Variants in ADK observed in about 807,000 individuals in gnomAD.
The protein encoded by ADK is adenosine kinase.
Under a neutral mutation model 44.7 loss-of-function variants are expected in ADK, and 24 were observed. That is an observed-to-expected ratio of 0.54 (90% CI 0.39 to 0.76). The LOEUF (loss-of-function observed/expected upper bound fraction) is 0.76, where lower values mean the gene tolerates loss of function less well. ADK is among the 30% of genes least tolerant of loss of function. ADK has a pLI of 0.00. For synonymous variants in ADK, 128 were observed against 142.6 expected, an observed-to-expected ratio of 0.90 and a Z score of 0.73; for missense variants, 321 against 425.1, an observed-to-expected ratio of 0.76 and a Z score of 2.15.
At chr10:74,430,871 C>T (rs1327085029) in intron 6 of ADK, among the ~76,000 whole-genome samples, 2 of 151,590 alleles carry the variant, frequency 1.3e-5, no homozygotes, top group East Asian at 2.0e-4. Context: ...CAGAGCAAGG[C>T]GGCTGGAAGG....
chr10:74,434,063 G>C (rs1340441246), intron 6 of ADK, among the ~76,000 whole-genome samples: 1 of 152,140 alleles, frequency 6.6e-6, no homozygotes, highest in African/African-American at 2.4e-5. Context: ...TACATGACTT[G>C]AGAGAATCAT....
chr10:74,418,834 C>T (rs1020864833), intron 6 of ADK, among the ~76,000 whole-genome samples: 5 of 152,154 alleles, frequency 3.3e-5, no homozygotes, highest in African/African-American at 9.7e-5. Context: ...GAACAATTTT[C>T]TTCAGCCCTG....
chr10:74,567,988 C>T (rs377456135), intron 7 of ADK, among the ~76,000 whole-genome samples: 77 of 152,202 alleles, frequency 5.1e-4, no homozygotes, highest in South Asian at 1.2e-3. Context: ...CCTGAGCCAC[C>T]GCGCCAGGCC....
intron 6 of ADK, among the ~76,000 whole-genome samples, chr10:74,414,592 C>G (rs373616155): frequency 6.6e-6 from 1 of 151,888 alleles, no homozygotes; most frequent in South Asian, 2.1e-4. Flanking sequence ...AAAAATTAGC[C>G]GGGCGTGGTG....
chr10:74,527,760 A>AC (rs1227175422), intron 7 of ADK: 1 of 1,564,190 alleles, frequency 6.4e-7, no homozygotes, highest in Non-Finnish European at 8.8e-7. Flanking sequence ...CCACTCCCAG[A>AC]CTTACCACAT....
At chr10:74,411,361 A>G (rs1297820629) in intron 6 of ADK, among the ~76,000 whole-genome samples, 1 of 152,206 alleles carries the variant, frequency 6.6e-6, no homozygotes, top group Non-Finnish European at 1.5e-5. Context: ...TAAAGCCCAA[A>G]CTGTGTTAAC....
intron 6 of ADK, among the ~76,000 whole-genome samples, chr10:74,429,436 A>T (rs998163988): frequency 4.6e-5 from 7 of 152,212 alleles, no homozygotes; most frequent in African/African-American, 1.7e-4. Context: ...AGCAATTTTT[A>T]TATGCATGAA....
At chr10:74,487,047 T>C (rs1395564091) in intron 6 of ADK, among the ~76,000 whole-genome samples, 2 of 152,104 alleles carry the variant, frequency 1.3e-5, no homozygotes, top group Admixed American at 6.5e-5. Flanking sequence ...TTTTTTGTAG[T>C]TTTGGAAGAG....
chr10:74,370,297 C>G (rs556404063), intron 4 of ADK, among the ~76,000 whole-genome samples: 1 of 152,064 alleles, frequency 6.6e-6, no homozygotes, highest in African/African-American at 2.4e-5. Context: ...ATTAGAAAAA[C>G]AAACTAAAGG....
intron 4 of ADK, among the ~76,000 whole-genome samples, chr10:74,364,899 C>T (rs951469668): frequency 2.0e-5 from 3 of 152,048 alleles, no homozygotes; most frequent in Non-Finnish European, 2.9e-5. Flanking sequence ...CACTTTCTTT[C>T]TCCCTTTCTC....
chr10:74,184,840 A>G (rs546268103), intron 1 of ADK, among the ~76,000 whole-genome samples: 1 of 152,288 alleles, frequency 6.6e-6, no homozygotes, highest in African/African-American at 2.4e-5. Context: ...TTGAACTAGG[A>G]CCATAAGATA....
rs577304248 is a variant in ADK at position 74,228,010 on chromosome 10, TA to T, written c.194+3426del. On this transcript the variant is annotated intron_variant, in intron 3 of 10. Transcript: ENST00000539909. ...GGACAGCAGAGTGAGACCTTGCCTT[TA>T]AAAAAATAAAAAAAGAATACCAATA... 5.7e-4 allele frequency among the ~76,000 whole-genome samples: 87 copies of T among 152,032 alleles called. No homozygotes were observed. The Middle Eastern group carries it at 0.017, about 30-fold the overall frequency.
chr10:74,634,749 A>G (rs1420422438), intron 9 of ADK, among the ~76,000 whole-genome samples: 2 of 151,862 alleles, frequency 1.3e-5, no homozygotes, highest in African/African-American at 2.4e-5. Context: ...GTTCGAGACC[A>G]GTCTGGCCAA....
chr10:74,604,707 C>A (rs942171701), intron 9 of ADK, among the ~76,000 whole-genome samples: 1 of 152,100 alleles, frequency 6.6e-6, no homozygotes, highest in African/African-American at 2.4e-5. Context: ...CAGCTTTGTT[C>A]TTTTTGCTTA....
intron 3 of ADK, among the ~76,000 whole-genome samples, chr10:74,269,297 C>G (rs991803623): frequency 6.6e-6 from 1 of 152,098 alleles, no homozygotes; most frequent in Non-Finnish European, 1.5e-5. Context: ...ATATGAAACT[C>G]TTGATAGTGA....
intron 9 of ADK, among the ~76,000 whole-genome samples, chr10:74,619,012 TTGTGTGTG>T (rs56168944): frequency 0.072 from 10,019 of 139,420 alleles, 644 homozygotes; most frequent in African/African-American, 0.16. Flanking sequence ...TTTATGCTCT[TTGTGTGTG>T]TGTGTGTGTG....
intron 4 of ADK, among the ~76,000 whole-genome samples, chr10:74,356,452 GATTA>G (rs1252012000): frequency 2.6e-5 from 4 of 152,152 alleles, no homozygotes; most frequent in Admixed American, 6.5e-5. Context: ...CCGTGAAATA[GATTA>G]ATTAGAATAA....
chr10:74,190,771 G>A (rs188847340), intron 1 of ADK, among the ~76,000 whole-genome samples: 6 of 152,244 alleles, frequency 3.9e-5, no homozygotes, highest in African/African-American at 1.4e-4. Flanking sequence ...TCCACTGGCT[G>A]CTAGGCTCCA....
rs886047235 is a variant in ADK, at chr10:74,176,798, T to C, written c.66-23966T>C. 3.3e-5 allele frequency: 52 copies of C among 1,596,984 alleles called. No homozygotes were observed. Among genetic ancestry groups the C allele is most frequent in the Non-Finnish European group, 3.8e-5 (45 of 1,177,946 alleles). ...TGCCTGAGCCGGGAAGCAGTTGCTGTGGTACCTGCTGCTGCCCGAGCGGAC... is the reference window on the plus strand; with the variant it reads ...TGCCTGAGCCGGGAAGCAGTTGCTGCGGTACCTGCTGCTGCCCGAGCGGAC... On this transcript the variant is annotated intron_variant, in intron 1 of 10. Transcript: ENST00000539909.
Sources: allele counts gnomAD v4.1 joint callset (sites outside exome capture counted in the v4.1 genomes callset), GRCh38; gene constraint gnomAD v4.1.1; transcripts MANE v1.5; gene names NCBI Gene and HGNC (gene_info 2026-07-23, HGNC 2026-07-21).